NREP: variants seen among roughly 807,000 people sequenced by gnomAD.
NREP encodes neuronal regeneration related protein.
In NREP, 5 loss-of-function variants were observed where a neutral mutation model predicts 8.6. That is an observed-to-expected ratio of 0.58 (90% CI 0.30 to 1.22). The LOEUF (loss-of-function observed/expected upper bound fraction) is 1.22. NREP is among the 50% of genes most tolerant of loss of function. The pLI is 0.07. For missense variants in NREP, 86 were observed against 82.5 expected (o/e 1.04, Z -0.17); for synonymous variants, 27 against 28.0 (o/e 0.96, Z 0.11).
intron 2 of NREP, among the ~76,000 whole-genome samples, chr5:111,790,859 G>A (rs891035751): frequency 1.3e-5 from 2 of 152,016 alleles, no homozygotes; most frequent in Admixed American, 1.3e-4. Context: ...TTTGTTCAAC[G>A]AAATGAGGAT....
intron 2 of NREP, among the ~76,000 whole-genome samples, chr5:111,807,180 A>C (rs1488378497): frequency 1.3e-5 from 2 of 152,204 alleles, no homozygotes. Flanking sequence ...TAACCCCCAA[A>C]TAAAACCTTA....
chr5:111,731,769 G>A (rs982786426), intron 3 of NREP: 6 of 152,212 alleles, frequency 3.9e-5, no homozygotes, highest in African/African-American at 1.2e-4. Context: ...AGGTTTTTGT[G>A]TTTCTGACTA....
upstream of NREP, among the ~76,000 whole-genome samples, chr5:111,759,393 G>T (rs1290938553): frequency 6.6e-6 from 1 of 151,680 alleles, no homozygotes; most frequent in African/African-American, 2.4e-5. Context: ...TCACAGAGAA[G>T]TGTTAATTTT....
At chr5:111,890,194 C>T (rs971033879) in intron 2 of NREP, among the ~76,000 whole-genome samples, 1 of 152,212 alleles carries the variant, frequency 6.6e-6, no homozygotes, top group African/African-American at 2.4e-5. Context: ...GTTCAAAACA[C>T]AGCAGGGCAG....
chr5:111,760,813 A>G (rs989662374), upstream of NREP, among the ~76,000 whole-genome samples: 10 of 152,214 alleles, frequency 6.6e-5, no homozygotes. Context: ...CCTGGCAAGT[A>G]TGCCAAAGAA....
chr5:111,862,810 T>C (rs1260954699), intron 2 of NREP, among the ~76,000 whole-genome samples: 2 of 151,528 alleles, frequency 1.3e-5, no homozygotes, highest in African/African-American at 2.4e-5. Context: ...GTGGTAAGTA[T>C]AGCAGAAGAA....
intron 2 of NREP, among the ~76,000 whole-genome samples, chr5:111,925,945 C>T (rs116764323): frequency 2.2e-3 from 336 of 152,272 alleles, no homozygotes; most frequent in African/African-American, 7.9e-3. Context: ...CTATAAGAAA[C>T]ATGTTATTTG....
intron 2 of NREP, among the ~76,000 whole-genome samples, chr5:111,780,948 G>C (rs1449142819): frequency 6.6e-6 from 1 of 152,044 alleles, no homozygotes; most frequent in East Asian, 1.9e-4. Flanking sequence ...TGTAATGTAG[G>C]TAAACTTGTG....
At chr5:111,756,974 T>C (rs935258539) in intron 1 of NREP, among the ~76,000 whole-genome samples, 162 bp downstream of exon 1, 1 of 152,024 alleles carries the variant, frequency 6.6e-6, no homozygotes, top group African/African-American at 2.4e-5. Flanking sequence ...ACAACCAAAA[T>C]GCCAGAATTT....
At chr5:111,917,958 C>T (rs1432961981) in intron 2 of NREP, among the ~76,000 whole-genome samples, 1 of 152,030 alleles carries the variant, frequency 6.6e-6, no homozygotes, top group Non-Finnish European at 1.5e-5. Context: ...ATTTAGAAAA[C>T]CCCATCATCT....
At chr5:111,975,185 G>C in intron 2 of NREP, 1 of 862,792 alleles carries the variant, frequency 1.2e-6, no homozygotes. Context: ...GACTGCACCA[G>C]TTCAGGAATC....
intron 2 of NREP, among the ~76,000 whole-genome samples, chr5:111,858,185 A>C (rs1312301227): frequency 6.6e-6 from 1 of 152,146 alleles, no homozygotes; most frequent in Non-Finnish European, 1.5e-5. Flanking sequence ...CTGGAGGTAG[A>C]GCCAGTAGTT....
At chr5:111,964,793 T>C (rs1386310607) in intron 2 of NREP, among the ~76,000 whole-genome samples, 2 of 140,548 alleles carry the variant, frequency 1.4e-5, no homozygotes, top group Non-Finnish European at 3.0e-5. Flanking sequence ...TATATACCTG[T>C]AGAGATTACA....
chr5:111,799,290 C>G (rs1318683887), intron 2 of NREP, among the ~76,000 whole-genome samples: 3 of 151,724 alleles, frequency 2.0e-5, no homozygotes, highest in Admixed American at 2.0e-4. Context: ...GATTTTTTTT[C>G]TAGTTCTGTG....
At chr5:111,880,982 G>C (rs1038454997) in intron 2 of NREP, among the ~76,000 whole-genome samples, 5 of 152,208 alleles carry the variant, frequency 3.3e-5, no homozygotes, top group African/African-American at 1.2e-4. Context: ...GCACAGGACA[G>C]TGGGTGCAGC....
At chr5:111,768,286 T>G (rs1158649594) in intron 2 of NREP, among the ~76,000 whole-genome samples, 1 of 152,200 alleles carries the variant, frequency 6.6e-6, no homozygotes, top group Non-Finnish European at 1.5e-5. Context: ...GATTATGGAT[T>G]TTGTGCCTTT....
chr5:111,808,276 C>G (rs1222744155), intron 2 of NREP, among the ~76,000 whole-genome samples: 1 of 152,234 alleles, frequency 6.6e-6, no homozygotes, highest in Non-Finnish European at 1.5e-5. Flanking sequence ...GCCTTCCCCA[C>G]TGTCTTGGAA....
At chr5:111,741,068 A>G (rs1040920276) in intron 2 of NREP, among the ~76,000 whole-genome samples, 1 of 152,174 alleles carries the variant, frequency 6.6e-6, no homozygotes, top group Non-Finnish European at 1.5e-5. Context: ...GTTAACGACC[A>G]TAACTGTAAT....
intron 2 of NREP, among the ~76,000 whole-genome samples, chr5:111,819,976 A>C (rs1449986181): frequency 6.6e-6 from 1 of 152,180 alleles, no homozygotes; most frequent in Non-Finnish European, 1.5e-5. Flanking sequence ...ATTGCCACAG[A>C]TACTGACAAA....
Sources: gnomAD v4.1 joint callset for allele counts (sites outside exome capture counted in the v4.1 genomes callset) on GRCh38, gnomAD v4.1.1 for gene constraint, MANE v1.5 for transcripts, NCBI Gene and HGNC (gene_info 2026-07-23, HGNC 2026-07-21) for gene names.